Variants in GRIN2A observed in about 807,000 individuals in gnomAD.
GRIN2A encodes glutamate ionotropic receptor NMDA type subunit 2A, also known as glutamate receptor ionotropic, NMDA 2A.
A neutral mutation model predicts 113.4 loss-of-function variants in GRIN2A; 22 were observed. The observed-to-expected ratio is 0.19, with a 90% CI of 0.14 to 0.28. The LOEUF is 0.28. Ranked by LOEUF, GRIN2A falls within the 10% of genes least tolerant of loss-of-function variation. GRIN2A has a pLI of 1.00. For missense variants in GRIN2A, 1,502 were observed against 1,887.0 expected (o/e 0.80, Z 3.78); for synonymous variants, 827 against 738.4 (o/e 1.12, Z -1.94).
intron 2 of GRIN2A, among the ~76,000 whole-genome samples, chr16:9,979,809 ATATG>A (rs1567213704): frequency 2.2e-5 from 3 of 133,430 alleles, no homozygotes; most frequent in South Asian, 2.6e-4. Context: ...ATATATATAT[ATATG>A]TATATGTATG....
At chr16:10,095,951 C>T (rs1452170011) in intron 2 of GRIN2A, among the ~76,000 whole-genome samples, 1 of 152,168 alleles carries the variant, frequency 6.6e-6, no homozygotes, top group Non-Finnish European at 1.5e-5. Flanking sequence ...GTTCTTTCTA[C>T]TATTCTTTCA....
At chr16:10,084,740 G>A (rs2048052185) in intron 2 of GRIN2A, among the ~76,000 whole-genome samples, 3 of 41,760 alleles carry the variant, frequency 7.2e-5, no homozygotes, top group Admixed American at 5.6e-4. Context: ...ATCACCACCT[G>A]ACACTTTATT....
chr16:10,046,204 T>A (rs1319819696), intron 2 of GRIN2A, among the ~76,000 whole-genome samples: 1 of 152,156 alleles, frequency 6.6e-6, no homozygotes, highest in Non-Finnish European at 1.5e-5. Flanking sequence ...AGAAATGTTC[T>A]CTCACTCTTA....
Position 9,756,740 on chromosome 16 carries a change from G to A in GRIN2A, c.*6409C>T, listed in dbSNP as rs971527154. The A allele has an allele frequency of 3.3e-5, 6 of 183,590 alleles. No homozygotes were observed. Among genetic ancestry groups the A allele is most frequent in the African/African-American group, 1.4e-4 (6 of 42,570 alleles). 11.4% of individuals were successfully genotyped at this position (183,590 alleles called of 1,614,324 possible). On this transcript the variant is annotated 3_prime_UTR_variant, in exon 13 of 13. Coordinates refer to ENST00000330684, the MANE Select transcript of GRIN2A (RefSeq NM_001134407.3). ...ATATATTTTGATATTTTCAAATTCA[G>A]GTGCAGATCCATGGCAAGTACTTGC... is the stretch of plus-strand genomic sequence containing the variant.
chr16:10,052,737 G>A (rs1018803198), intron 2 of GRIN2A, among the ~76,000 whole-genome samples: 2 of 152,154 alleles, frequency 1.3e-5, no homozygotes, highest in Non-Finnish European at 1.5e-5. Flanking sequence ...TGGAGATCCT[G>A]AGCCCTATCC....
In GRIN2A at chr16:10,015,252, C is replaced by CAAAA. The variant is rs200124835; in HGVS notation, c.415-76705_415-76702dup. ...TGGGCAACAGAGCAAGACTTCATCT[C>CAAAA]AAAAAAAAAAAAAAAAAAAGAAAAA... On this transcript the variant is annotated intron_variant, in intron 2 of 12. Transcript: ENST00000330684. Among the ~76,000 whole-genome samples, 7 of 19,314 alleles carry CAAAA rather than the reference C, an allele frequency of 3.6e-4. 1 individual carries two copies. The highest frequency in any genetic ancestry group is 4.2e-4 in the Non-Finnish European group (4 of 9,596). 12.7% of individuals were successfully genotyped at this position (19,314 alleles called of 152,430 possible). A position where few individuals can be genotyped will look rare whatever the true frequency, so the allele number is the denominator to read the frequency against.
rs191531630 is a variant in GRIN2A, at chr16:10,143,243, G to A, written c.414+36755C>T. ...CCTTTCATACCTTTCAAAGAAGAAA[G>A]TGGACAACGCCTTCCGCTAAGGGCC... On this transcript the variant is annotated intron_variant, in intron 2 of 12. Coordinates refer to ENST00000330684, the MANE Select transcript of GRIN2A (RefSeq NM_001134407.3). Among the ~76,000 whole-genome samples, 6 of 152,304 alleles carry A rather than the reference G, an allele frequency of 3.9e-5. No individual in the cohort carries two copies. In the East Asian group the frequency reaches 1.2e-3, roughly 29 times the overall value.
chr16:10,075,165 T>G (rs1410342449), intron 2 of GRIN2A, among the ~76,000 whole-genome samples: 1 of 152,048 alleles, frequency 6.6e-6, no homozygotes, highest in Admixed American at 6.5e-5. Flanking sequence ...TCGGGGAATA[T>G]AATGGTATCC....
chr16:10,062,324 A>T (rs2047563519), intron 2 of GRIN2A, among the ~76,000 whole-genome samples: 1 of 152,178 alleles, frequency 6.6e-6, no homozygotes, highest in African/African-American at 2.4e-5. Flanking sequence ...TTCCAATAAA[A>T]ATTTATGTAC....
chr16:10,068,733 C>A (rs979029365), intron 2 of GRIN2A, among the ~76,000 whole-genome samples: 1 of 152,166 alleles, frequency 6.6e-6, no homozygotes, highest in African/African-American at 2.4e-5. Flanking sequence ...ACAAACCAAA[C>A]TAAGGTTAGT....
chr16:10,063,767 G>T (rs2047594456), intron 2 of GRIN2A, among the ~76,000 whole-genome samples: 1 of 152,130 alleles, frequency 6.6e-6, no homozygotes, highest in South Asian at 2.1e-4. Flanking sequence ...GTCCATAGGA[G>T]TCAAAATAAT....
intron 10 of GRIN2A, among the ~76,000 whole-genome samples, chr16:9,817,656 A>G (rs2042209790): frequency 6.6e-6 from 1 of 152,258 alleles, no homozygotes; most frequent in Admixed American, 6.5e-5. Context: ...GTCCCAGGAC[A>G]CAGCTAGCTA....
At chr16:10,121,107 G>T (rs140169115) in intron 2 of GRIN2A, among the ~76,000 whole-genome samples, 1 of 152,156 alleles carries the variant, frequency 6.6e-6, no homozygotes, top group Admixed American at 6.5e-5. Flanking sequence ...GGTCAAAGCA[G>T]CAATCCACAG....
intron 4 of GRIN2A, among the ~76,000 whole-genome samples, chr16:9,884,978 C>A (rs1191752561): frequency 6.6e-6 from 1 of 151,820 alleles, no homozygotes; most frequent in Non-Finnish European, 1.5e-5. Context: ...ACCTCGTGAT[C>A]CACCCACCTC....
intron 11 of GRIN2A, among the ~76,000 whole-genome samples, chr16:9,777,079 G>A (rs1372350046): frequency 6.6e-6 from 1 of 152,134 alleles, no homozygotes; most frequent in Non-Finnish European, 1.5e-5. Context: ...CTTTGACCTT[G>A]AGGGCCCAAC....
chr16:10,118,371 T>C (rs2142170980), intron 2 of GRIN2A, among the ~76,000 whole-genome samples: 1 of 152,014 alleles, frequency 6.6e-6, no homozygotes, highest in East Asian at 1.9e-4. Flanking sequence ...CACGCAGCAA[T>C]TGTAGTTTTT....
At chr16:10,072,585 T>C (rs1403724794) in intron 2 of GRIN2A, among the ~76,000 whole-genome samples, 1 of 152,156 alleles carries the variant, frequency 6.6e-6, no homozygotes, top group African/African-American at 2.4e-5. Flanking sequence ...TGAGAACCAC[T>C]GGACTTAGCC....
At chr16:9,946,374 G>C (rs1403664181) in intron 2 of GRIN2A, among the ~76,000 whole-genome samples, 1 of 152,130 alleles carries the variant, frequency 6.6e-6, no homozygotes, top group African/African-American at 2.4e-5. Context: ...GAGACCATGG[G>C]GTTGGGTCTC....
chr16:9,891,232 T>G (rs2043689327), intron 3 of GRIN2A, 132 bp from the exon 4 acceptor site: 1 of 693,740 alleles, frequency 1.4e-6, no homozygotes, highest in Admixed American at 2.0e-5. Context: ...ACAAGAAGCC[T>G]CTCTGCAGAA....
Sources: gnomAD v4.1 joint callset for allele counts (sites outside exome capture counted in the v4.1 genomes callset) on GRCh38, gnomAD v4.1.1 for gene constraint, MANE v1.5 for transcripts, NCBI Gene and HGNC (gene_info 2026-07-23, HGNC 2026-07-21) for gene names.